Variants in PSG5 observed in about 807,000 individuals in gnomAD.
PSG5 encodes pregnancy specific beta-1-glycoprotein 5, also known as pregnancy-specific beta-1-glycoprotein 5.
Under a neutral mutation model 37.7 loss-of-function variants are expected in PSG5, and 53 were observed. The observed-to-expected ratio is 1.41, with a 90% confidence interval of 1.13 to 1.77. The LOEUF (loss-of-function observed/expected upper bound fraction) is 1.77, where lower values mean the gene tolerates loss of function less well. Ranked by LOEUF, PSG5 falls within the 40% of genes most tolerant of loss-of-function variation. PSG5 has a pLI of 0.00. For missense variants in PSG5, 547 were observed against 405.2 expected (o/e 1.35, Z -3.00); for synonymous variants, 221 against 155.4 (o/e 1.42, Z -3.14).
chr19:43,176,977 G>T (rs1326164621), intron 2 of PSG5, among the ~76,000 whole-genome samples: 1 of 151,766 alleles, frequency 6.6e-6, no homozygotes, highest in East Asian at 1.9e-4. Context: ...ATGCAGAACT[G>T]ATTGGTAGAA....
chr19:43,186,381 A>C lies in PSG5; in HGVS notation c.25T>G (p.Cys9Gly), dbSNP rs1442151346. 1.9e-6 allele frequency: 3 copies of C among 1,612,160 alleles called. No homozygotes were observed. Among genetic ancestry groups the C allele is most frequent in the African/African-American group, 2.7e-5 (2 of 74,512 alleles). Residue 9 changes from cysteine to glycine, a missense_variant, in exon 1 of 6, where the codon TGC becomes GGC. Physicochemically the swap from Cys to Gly is radical, Grantham distance 159 (BLOSUM62 -3). Coordinates refer to ENST00000342951, the MANE Select transcript of PSG5 (RefSeq NM_002781.4). MGPLSAPP[C>G]TQHITWKGLL... Reference sequence around the variant, plus strand: ...CCCTTCCAGGTGATGTGCTGTGTGCAGGGAGGGGCTGAGAGGGGCCCCATG... The same window carrying C: ...CCCTTCCAGGTGATGTGCTGTGTGCCGGGAGGGGCTGAGAGGGGCCCCATG...
chr19:43,184,871 C>G lies in PSG5; in HGVS notation c.341G>C (p.Arg114Pro), dbSNP rs371676987. ...TAAGGTGTAGGATCCTGCGTCTTCC[C>G]GGGTGACATTCTGGATCAGCAGGGA... ...NASLLIQNVTREDAGSYTLHI... is the reference protein window; with the variant it reads ...NASLLIQNVTPEDAGSYTLHI... Residue 114 changes from arginine (R) to proline (P), a missense_variant, in exon 2 of 6, where the codon CGG (arginine) becomes CCG (proline). Arg to Pro is a moderately radical substitution (Grantham distance 103). Coordinates refer to ENST00000342951, the MANE Select transcript of PSG5 (RefSeq NM_002781.4). The G allele has an allele frequency of 1.2e-6, 2 of 1,612,378 alleles. No homozygotes were observed. The highest frequency in any genetic ancestry group is 2.7e-5 in the African/African-American group (2 of 74,468).
chr19:43,177,008 G>C (rs1474318611), intron 2 of PSG5, among the ~76,000 whole-genome samples: 1 of 151,754 alleles, frequency 6.6e-6, no homozygotes, highest in African/African-American at 2.4e-5. Flanking sequence ...TGAACTGCTG[G>C]AAATCTGGTC....
At chr19:43,178,826 C>T in intron 2 of PSG5, 17 of 1,611,788 alleles carry the variant, frequency 1.1e-5, no homozygotes, top group African/African-American at 1.3e-5. Flanking sequence ...TGGCCTCTGG[C>T]CATGTGTATT....
At position 43,184,981 on chromosome 19, in the gene PSG5, A is replaced by G; in HGVS notation, c.231T>C (p.His77=). The G allele has an allele frequency of 6.2e-7, 1 of 1,612,462 alleles. No individual in the cohort carries two copies. The highest frequency in any genetic ancestry group is 1.7e-5 in the Admixed American group (1 of 59,896). ...CGTCTACTACATATGATGTAATGTA[A>G]TGGTAGAGGTCCATCAGTTGTCCTT... ...WYKGQLMDLY[H]YITSYVVDGQ... is the part of the protein sequence containing the mutation. Residue 77 remains histidine, a synonymous_variant, in exon 2 of 6, where the codon CAT becomes CAC. Coordinates refer to ENST00000342951, the MANE Select transcript of PSG5 (RefSeq NM_002781.4).
chr19:43,184,748 C>T (rs748641530), intron 2 of PSG5, 34 bp downstream of exon 2: 14 of 1,557,580 alleles, frequency 9.0e-6, no homozygotes, highest in Non-Finnish European at 1.2e-5. Flanking sequence ...GACCCCTGTC[C>T]CCCAACACCC....
chr19:43,178,565 A>T (rs7249971), intron 2 of PSG5, among the ~76,000 whole-genome samples: 30,363 of 150,140 alleles, frequency 0.2, 3,133 homozygotes, highest in Non-Finnish European at 0.25. Context: ...TGACCCTGTG[A>T]GCCAAGTCGC....
At chr19:43,186,119 A>G (rs8107300) in intron 1 of PSG5, among the ~76,000 whole-genome samples, 102,638 of 150,920 alleles carry the variant, frequency 0.68, 36,183 homozygotes, top group East Asian at 0.99. Context: ...TAGGATTCCA[A>G]GAGCACACCA....
chr19:43,177,015 G>T (rs1029103938), intron 2 of PSG5, among the ~76,000 whole-genome samples: 3 of 151,734 alleles, frequency 2.0e-5, no homozygotes, highest in Admixed American at 6.6e-5. Context: ...CTGGAAATCT[G>T]GTCCTCATGG....
At position 43,167,997 on chromosome 19, in the gene PSG5, T is replaced by C. The variant is rs1968822705; in HGVS notation, c.*247A>G. On this transcript the variant is annotated 3_prime_UTR_variant, in exon 6 of 6. Transcript: ENST00000342951. ...ATTTAGTCCAATAACATGGAGTTTT[T>C]TTCTTCTTTGTCTAGAATTTCATGA... 7.3e-6 allele frequency: 3 copies of C among 410,270 alleles called. No homozygotes were observed. Among genetic ancestry groups the C allele is most frequent in the African/African-American group, 6.2e-5 (3 of 48,284 alleles). 25.4% of individuals were successfully genotyped at this position (410,270 alleles called of 1,614,324 possible).
At chr19:43,173,053 G>A (rs547363694) in intron 4 of PSG5, among the ~76,000 whole-genome samples, 2 of 151,706 alleles carry the variant, frequency 1.3e-5, no homozygotes, top group Non-Finnish European at 2.9e-5. Flanking sequence ...AAATATCATA[G>A]CCCAGAAAGA....
intron 4 of PSG5, chr19:43,171,639 G>C (rs910572091): frequency 5.8e-5 from 42 of 723,734 alleles, no homozygotes; most frequent in Non-Finnish European, 6.8e-5. Context: ...GATTGACTAA[G>C]AAAAAAAGAG....
intron 2 of PSG5, among the ~76,000 whole-genome samples, chr19:43,176,767 A>G (rs966705191): frequency 3.3e-5 from 5 of 150,596 alleles, no homozygotes. Flanking sequence ...TTTCATGATG[A>G]CTTACTTGAA....
intron 4 of PSG5, among the ~76,000 whole-genome samples, chr19:43,173,927 A>G (rs1449477612): frequency 6.6e-6 from 1 of 151,674 alleles, no homozygotes; most frequent in Non-Finnish European, 1.5e-5. Context: ...TGTTCAGAGA[A>G]GCATTACTCA....
At position 43,180,189 on chromosome 19, in the gene PSG5, G is replaced by C. The variant is rs565315351; in HGVS notation, c.431-4041C>G. Among the ~76,000 whole-genome samples, 13 of 151,640 alleles carry C rather than the reference G, an allele frequency of 8.6e-5. 1 individual carries two copies. The highest frequency in any genetic ancestry group is 2.2e-4 in the African/African-American group (9 of 41,212). On this transcript the variant is annotated intron_variant, in intron 2 of 5. Transcript: ENST00000342951. ...GAATCAGAGAGTAGAATAGTAGTTT[G>C]CAGGAGCTGGGATCAGGGGAATAGG...
chr19:43,179,095 C>G (rs1453282295), intron 2 of PSG5: 1 of 1,610,750 alleles, frequency 6.2e-7, no homozygotes, highest in Admixed American at 1.7e-5. Flanking sequence ...GTTAAGATCA[C>G]AGCCTCCATG....
intron 2 of PSG5, among the ~76,000 whole-genome samples, chr19:43,184,437 C>A (rs778137636): frequency 9.9e-5 from 15 of 151,696 alleles, no homozygotes; most frequent in South Asian, 6.2e-4. Flanking sequence ...TCTCAGGGGG[C>A]CCCTCAGGCC....
chr19:43,173,098 A>T (rs1178254286), intron 4 of PSG5, among the ~76,000 whole-genome samples: 2 of 151,658 alleles, frequency 1.3e-5, no homozygotes, highest in African/African-American at 4.9e-5. Flanking sequence ...ATTTTCATGG[A>T]GTGTTCCAAG....
chr19:43,184,795 G>C lies in PSG5; in HGVS notation c.417C>G (p.Thr139=), dbSNP rs1318356333. 1.2e-6 allele frequency: 2 copies of C among 1,612,152 alleles called. No homozygotes were observed. The highest frequency in any genetic ancestry group is 1.7e-5 in the Admixed American group (1 of 59,838). Residue 139 remains threonine (T), a synonymous_variant, in exon 2 of 6, where the codon ACC becomes ACG. Coordinates refer to ENST00000342951, the MANE Select transcript of PSG5 (RefSeq NM_002781.4). ...DRTRGVTGYF[T]FNLYLKLPKP... ...GGAATCACTCACGGTATAAGTTGAA[G>C]GTGAAATATCCAGTTACTCCTCTAG...
Sources: gnomAD v4.1 joint callset for allele counts (sites outside exome capture counted in the v4.1 genomes callset) on GRCh38, gnomAD v4.1.1 for gene constraint, MANE v1.5 for transcripts, NCBI Gene and HGNC (gene_info 2026-07-23, HGNC 2026-07-21) for gene names.